Variants in EYA4 observed in about 807,000 individuals in gnomAD.
EYA4 encodes the protein protein phosphatase EYA4.
EYA4 carries 31 observed loss-of-function variants against 87.9 expected under a neutral mutation model. That is an observed-to-expected ratio of 0.35 (90% CI 0.27 to 0.48). The LOEUF is 0.48. Among genes scored for constraint, EYA4 ranks in the 20% least tolerant of loss-of-function variants. The probability of loss-of-function intolerance (pLI) is 0.99; values close to 1 mark genes in which losing one functional copy is unlikely to be tolerated. For missense variants in EYA4, 678 were observed against 761.4 expected, an observed-to-expected ratio of 0.89 and a Z score of 1.29; for synonymous variants, 263 against 270.6, an observed-to-expected ratio of 0.97 and a Z score of 0.28.
At chr6:133,335,885 C>A (rs1051426238) in intron 2 of EYA4, among the ~76,000 whole-genome samples, 1 of 152,100 alleles carries the variant, frequency 6.6e-6, no homozygotes, top group Non-Finnish European at 1.5e-5. Context: ...GTTAGAGAGA[C>A]AGTGAGTGAG....
At chr6:133,441,237 C>G (rs1444999464) in intron 3 of EYA4, among the ~76,000 whole-genome samples, 1 of 152,098 alleles carries the variant, frequency 6.6e-6, no homozygotes, top group Non-Finnish European at 1.5e-5. Context: ...CTGGTCCTTT[C>G]TTTTGCAATG....
intron 1 of EYA4, among the ~76,000 whole-genome samples, chr6:133,269,725 A>T (rs1483889086): frequency 6.6e-6 from 1 of 152,200 alleles, no homozygotes; most frequent in Non-Finnish European, 1.5e-5. Flanking sequence ...ACATCTACTG[A>T]TATTGAATAT....
intron 14 of EYA4, among the ~76,000 whole-genome samples, chr6:133,506,564 A>G (rs1463193264): frequency 6.6e-6 from 1 of 152,218 alleles, no homozygotes. Context: ...ATTCATGGTG[A>G]TAGCGTGGAT....
intron 3 of EYA4, among the ~76,000 whole-genome samples, chr6:133,421,462 T>C (rs1790215906): frequency 6.6e-6 from 1 of 152,250 alleles, no homozygotes; most frequent in Non-Finnish European, 1.5e-5. Context: ...ATCTATTCCA[T>C]ATGCCTAAAA....
chr6:133,246,685 T>C (rs1774435514), intron 1 of EYA4, among the ~76,000 whole-genome samples: 1 of 152,178 alleles, frequency 6.6e-6, no homozygotes, highest in Admixed American at 6.5e-5. Context: ...TTTAGATAAT[T>C]ACAATTTGGC....
intron 1 of EYA4, among the ~76,000 whole-genome samples, chr6:133,261,453 GTTTA>G (rs1330123804): frequency 1.3e-5 from 2 of 151,988 alleles, no homozygotes; most frequent in Admixed American, 6.6e-5. Context: ...GTCTATAATT[GTTTA>G]TTGATTATAT....
At chr6:133,310,598 T>C (rs1486234217) in intron 2 of EYA4, among the ~76,000 whole-genome samples, 1 of 152,216 alleles carries the variant, frequency 6.6e-6, no homozygotes, top group Non-Finnish European at 1.5e-5. Context: ...ACTTACGAAC[T>C]TGAATATGGC....
At chr6:133,293,501 G>A (rs892562462) in intron 2 of EYA4, among the ~76,000 whole-genome samples, 45 of 151,950 alleles carry the variant, frequency 3.0e-4, no homozygotes, top group Admixed American at 2.5e-3. Flanking sequence ...ATTTTAGGAG[G>A]GACATTATCC....
chr6:133,369,081 C>A (rs1017424241), intron 2 of EYA4, among the ~76,000 whole-genome samples: 3 of 152,116 alleles, frequency 2.0e-5, no homozygotes, highest in Admixed American at 2.0e-4. Flanking sequence ...AAATGCTACA[C>A]TGAAATACTG....
chr6:133,261,864 A>G (rs1297062895), intron 1 of EYA4, among the ~76,000 whole-genome samples: 2 of 152,340 alleles, frequency 1.3e-5, no homozygotes, highest in Non-Finnish European at 2.9e-5. Flanking sequence ...TTTTTTGTTT[A>G]ATCATAACAA....
chr6:133,281,892 T>A (rs1160906644), intron 2 of EYA4, among the ~76,000 whole-genome samples: 1 of 152,164 alleles, frequency 6.6e-6, no homozygotes, highest in Non-Finnish European at 1.5e-5. Context: ...TTTCCTGTGT[T>A]GATTCACTTA....
At chr6:133,522,280 A>G (rs1459582592) in intron 17 of EYA4, among the ~76,000 whole-genome samples, 1 of 148,686 alleles carries the variant, frequency 6.7e-6, no homozygotes, top group African/African-American at 2.5e-5. Flanking sequence ...GTTTATATCT[A>G]TTAACTATTA....
At chr6:133,461,540 G>A (rs1371278392) in intron 7 of EYA4, among the ~76,000 whole-genome samples, 1 of 152,012 alleles carries the variant, frequency 6.6e-6, no homozygotes, top group Non-Finnish European at 1.5e-5. Flanking sequence ...TGAAGAATAT[G>A]CCTTATTGTT....
At chr6:133,446,316 G>C (rs188633908) in intron 3 of EYA4, among the ~76,000 whole-genome samples, 140 of 152,114 alleles carry the variant, frequency 9.2e-4, no homozygotes, top group African/African-American at 3.3e-3. Flanking sequence ...TTATATGTCA[G>C]TGATAACATG....
At chr6:133,349,737 A>G (rs1886982) in intron 2 of EYA4, among the ~76,000 whole-genome samples, 27,137 of 152,082 alleles carry the variant, frequency 0.18, 2,670 homozygotes, top group East Asian at 0.35. Context: ...TCTCATTGCT[A>G]TCATAGGCAA....
chr6:133,332,635 C>T (rs1204266178), intron 2 of EYA4, among the ~76,000 whole-genome samples: 1 of 152,070 alleles, frequency 6.6e-6, no homozygotes, highest in African/African-American at 2.4e-5. Flanking sequence ...CCTCCGCCTC[C>T]CGGGTTCAAG....
intron 2 of EYA4, among the ~76,000 whole-genome samples, chr6:133,294,143 C>T (rs1446256535): frequency 1.4e-5 from 2 of 144,236 alleles, no homozygotes; most frequent in Non-Finnish European, 3.0e-5. Context: ...TGAGTTGCGA[C>T]AGTGATGATG....
intron 2 of EYA4, among the ~76,000 whole-genome samples, chr6:133,340,938 G>A (rs546840890): frequency 6.6e-6 from 1 of 152,306 alleles, no homozygotes; most frequent in East Asian, 1.9e-4. Flanking sequence ...AGCAGTTAAA[G>A]TATGGATGTA....
intron 2 of EYA4, among the ~76,000 whole-genome samples, chr6:133,350,675 T>A (rs1783573380): frequency 6.6e-6 from 1 of 152,092 alleles, no homozygotes; most frequent in South Asian, 2.1e-4. Context: ...TTCTTTGTCG[T>A]TTGCTCTCTG....
Sources: allele counts gnomAD v4.1 joint callset (sites outside exome capture counted in the v4.1 genomes callset), GRCh38; gene constraint gnomAD v4.1.1; transcripts MANE v1.5; gene names NCBI Gene and HGNC (gene_info 2026-07-23, HGNC 2026-07-21).